Variants in OPHN1 observed in about 807,000 individuals in gnomAD.
The protein encoded by OPHN1 is oligophrenin-1.
OPHN1 carries 11 observed loss-of-function variants against 60.7 expected under a neutral mutation model. The observed-to-expected ratio is 0.18, with a 90% confidence interval of 0.11 to 0.30. The LOEUF (loss-of-function observed/expected upper bound fraction) is 0.30, where lower values mean the gene tolerates loss of function less well. Among genes scored for constraint, OPHN1 ranks in the 10% least tolerant of loss-of-function variants. The pLI is 1.00. For missense variants in OPHN1, 449 were observed against 611.0 expected (o/e 0.73, Z 2.80); for synonymous variants, 226 against 222.6 (o/e 1.02, Z -0.14).
intron 15 of OPHN1, among the ~76,000 whole-genome samples, chrX:68,119,901 T>A (rs1222458218): frequency 9.0e-6 from 1 of 111,439 alleles, no homozygotes; most frequent in Non-Finnish European, 1.9e-5. Flanking sequence ...AGATAAGTAG[T>A]CATTTAAAAA....
intron 5 of OPHN1, among the ~76,000 whole-genome samples, chrX:68,255,679 G>A (rs1037727404): frequency 1.8e-5 from 2 of 109,235 alleles, no homozygotes; most frequent in Non-Finnish European, 3.8e-5. Context: ...TTGCCAGCCC[G>A]TACAATCATA....
intron 15 of OPHN1, among the ~76,000 whole-genome samples, chrX:68,126,086 A>G (rs2077170640): frequency 9.4e-6 from 1 of 106,659 alleles, no homozygotes; most frequent in Non-Finnish European, 1.9e-5. Context: ...GGTTCAACAT[A>G]CACAAATAAA....
chrX:68,052,551 C>T lies in OPHN1; in HGVS notation c.2364G>A (p.Arg788=), dbSNP rs1271576196. ...SRTRFFETAS[R]KTGSSQGRLP... is the part of the protein sequence containing the mutation. ...CCTCCATATCTTACCTTCCTGTTTT[C>T]CGGGAAGCTGTTTCAAAAAACCTGG... Residue 788 remains arginine (R), a synonymous_variant, in exon 23 of 25, where the codon CGG becomes CGA. Transcript: ENST00000355520. 8.3e-7 allele frequency: 1 copy of T among 1,206,759 alleles called. No homozygotes were observed. Among genetic ancestry groups the T allele is most frequent in the Non-Finnish European group, 1.1e-6 (1 of 892,826 alleles).
intron 3 of OPHN1, among the ~76,000 whole-genome samples, chrX:68,289,408 T>C (rs1760284070): frequency 8.9e-6 from 1 of 112,496 alleles, no homozygotes; most frequent in Non-Finnish European, 1.9e-5. Flanking sequence ...ATGAGAAAAC[T>C]GAGGTTTAAT....
intron 15 of OPHN1, among the ~76,000 whole-genome samples, chrX:68,139,144 A>G (rs773342586): frequency 8.9e-6 from 1 of 111,788 alleles, no homozygotes; most frequent in Non-Finnish European, 1.9e-5. Context: ...ATGAAAAAAA[A>G]GTGAGGGGAG....
intron 15 of OPHN1, among the ~76,000 whole-genome samples, chrX:68,131,656 A>T (rs1317586463): frequency 8.9e-6 from 1 of 112,515 alleles, no homozygotes; most frequent in Non-Finnish European, 1.9e-5. Flanking sequence ...CTAAAAAGAA[A>T]CTTTAACACA....
chrX:68,310,897 G>GA (rs1424176175), intron 2 of OPHN1, among the ~76,000 whole-genome samples: 2 of 110,951 alleles, frequency 1.8e-5, no homozygotes, highest in Non-Finnish European at 3.8e-5. Context: ...AAATATAAAA[G>GA]AAAAAATAGA....
intron 18 of OPHN1, among the ~76,000 whole-genome samples, chrX:68,105,464 A>G (rs1399346105): frequency 9.0e-6 from 1 of 111,196 alleles, no homozygotes; most frequent in African/African-American, 3.3e-5. Flanking sequence ...ACACCATGGA[A>G]TACTACGCAG....
At chrX:68,431,114 A>G (rs961728515) in intron 2 of OPHN1, among the ~76,000 whole-genome samples, 7 of 111,674 alleles carry the variant, frequency 6.3e-5, no homozygotes, top group Non-Finnish European at 9.4e-5. Flanking sequence ...AAGCTGAAAC[A>G]TTCCTCCTTT....
At chrX:68,315,272 G>C (rs1175540609) in intron 2 of OPHN1, among the ~76,000 whole-genome samples, 1 of 109,076 alleles carries the variant, frequency 9.2e-6, no homozygotes, top group Non-Finnish European at 1.9e-5. Flanking sequence ...AAGAAAGAAA[G>C]AGGGGGGAGA....
At chrX:68,332,802 T>TA (rs57157442) in intron 2 of OPHN1, among the ~76,000 whole-genome samples, 117 of 101,541 alleles carry the variant, frequency 1.2e-3, no homozygotes, top group East Asian at 8.2e-3. Context: ...TTATGGAAAT[T>TA]AAAAAAAAAA....
chrX:68,260,547 G>A (rs2077888177), intron 5 of OPHN1, among the ~76,000 whole-genome samples: 1 of 111,018 alleles, frequency 9.0e-6, no homozygotes, highest in Non-Finnish European at 1.9e-5. Flanking sequence ...ATAACTATGT[G>A]TCCTTCTACA....
intron 2 of OPHN1, among the ~76,000 whole-genome samples, chrX:68,421,084 AGATACTGCCGATTAG>A (rs1053413052): frequency 6.3e-5 from 7 of 111,598 alleles, no homozygotes; most frequent in African/African-American, 2.3e-4. Context: ...AATTCCAGCA[AGATACTGCCGATTAG>A]TCAAAGAAAA....
chrX:68,355,242 C>T (rs962101408), intron 2 of OPHN1, among the ~76,000 whole-genome samples: 6 of 112,300 alleles, frequency 5.3e-5, no homozygotes, highest in African/African-American at 1.6e-4. Flanking sequence ...TGCAAGAAAA[C>T]GAATTCATTT....
chrX:68,378,755 T>C (rs1434752839), intron 2 of OPHN1, among the ~76,000 whole-genome samples: 2 of 111,334 alleles, frequency 1.8e-5, no homozygotes, highest in African/African-American at 6.5e-5. Context: ...ATATGTGGCG[T>C]TATTTCTGAG....
At chrX:68,327,803 A>T (rs1205646998) in intron 2 of OPHN1, among the ~76,000 whole-genome samples, 1,029 of 73,040 alleles carry the variant, frequency 0.014, 16 homozygotes, top group Non-Finnish European at 0.018. Flanking sequence ...AAAATAAAAA[A>T]AAAAAAAAAA....
At chrX:68,052,823 T>C (rs1163656662) in intron 22 of OPHN1, among the ~76,000 whole-genome samples, 1 of 112,638 alleles carries the variant, frequency 8.9e-6, no homozygotes, top group African/African-American at 3.2e-5. Context: ...TCTGAGTATG[T>C]TGCTGAGTCA....
chrX:68,217,680 A>C (rs1383626945), intron 6 of OPHN1, among the ~76,000 whole-genome samples: 1 of 110,880 alleles, frequency 9.0e-6, no homozygotes, highest in Non-Finnish European at 1.9e-5. Context: ...CTGACACCTC[A>C]CACGGCAGGG....
chrX:68,271,032 G>T (rs2030398764), intron 5 of OPHN1, among the ~76,000 whole-genome samples: 1 of 111,349 alleles, frequency 9.0e-6, no homozygotes, highest in African/African-American at 3.3e-5. Flanking sequence ...ATGAGTAAGG[G>T]CCTAATATAG....
Sources: allele counts gnomAD v4.1 joint callset (sites outside exome capture counted in the v4.1 genomes callset), GRCh38; gene constraint gnomAD v4.1.1; transcripts MANE v1.5; gene names NCBI Gene and HGNC (gene_info 2026-07-23, HGNC 2026-07-21).